MCM3: variants seen among roughly 807,000 people sequenced by gnomAD.
MCM3 encodes the protein DNA replication licensing factor MCM3.
A neutral mutation model predicts 91.3 loss-of-function variants in MCM3; 59 were observed. The ratio of observed to expected loss-of-function variants is 0.65; its 90% confidence interval spans 0.52 to 0.80. MCM3 has a LOEUF of 0.80. Ranked by LOEUF, MCM3 falls within the 30% of genes least tolerant of loss-of-function variation. The probability of loss-of-function intolerance (pLI) is 0.00; values close to 1 mark genes in which losing one functional copy is unlikely to be tolerated. For synonymous variants in MCM3, 383 were observed against 379.6 expected (o/e 1.01, Z -0.10); for missense variants, 919 against 1,035.4 (o/e 0.89, Z 1.54).
chr6:52,279,476 C>T lies in MCM3; in HGVS notation c.655G>A (p.Val219Ile), dbSNP rs201702015. ...TCCACCAAGTCATCATCCAGAATGA[C>T]GTCCACAGAGCGGGGGAGCTGGCCG... ...PAGQLPRSVD[V>I]ILDDDLVDKA... Residue 219 changes from valine (V) to isoleucine (I), a missense_variant, in exon 5 of 17, where the codon GTC becomes ATC. This residue lies in a region of MCM3 where 401 missense variants were observed against 402.7 expected (regional missense o/e 1.00). Transcript: ENST00000596288. 719 of 1,614,184 alleles carry T rather than the reference C, an allele frequency of 4.5e-4. 1 individual carries two copies. Among genetic ancestry groups the T allele is most frequent in the Non-Finnish European group, 5.8e-4 (680 of 1,180,036 alleles).
chr6:52,274,776 ATACT>A (rs1765420281), intron 9 of MCM3, among the ~76,000 whole-genome samples: 1 of 152,018 alleles, frequency 6.6e-6, no homozygotes, highest in Non-Finnish European at 1.5e-5. Flanking sequence ...TACTGGACTG[ATACT>A]TACCCATCCA....
At chr6:52,281,792 C>A (rs144657686) in intron 4 of MCM3, among the ~76,000 whole-genome samples, 70 of 152,268 alleles carry the variant, frequency 4.6e-4, no homozygotes, top group Middle Eastern at 3.4e-3. Context: ...CATGACTGCA[C>A]CTGCAAATAC....
chr6:52,269,367 G>C, intron 12 of MCM3, 141 bp from the exon 13 acceptor site: 1 of 646,210 alleles, frequency 1.5e-6, no homozygotes. Flanking sequence ...GTTCTCTACA[G>C]ATACCATATA....
rs759533055 is a variant in MCM3, at chr6:52,282,027, C to A, written c.531+18G>T. ...GATTCCAACCTCCAAGACAGCTCAA[C>A]TGATTTATCCCCCTTACCTTGGTAG... On this transcript the variant is annotated intron_variant, in intron 4 of 16. Transcript: ENST00000596288. 11 of 1,612,682 alleles carry A rather than the reference C, an allele frequency of 6.8e-6. No individual in the cohort carries two copies. In the East Asian group the frequency reaches 2.0e-4, roughly 29 times the overall value.
intron 5 of MCM3, 47 bp from the exon 6 acceptor site, chr6:52,278,897 A>C (rs752474698): frequency 7.3e-7 from 1 of 1,366,190 alleles, no homozygotes; most frequent in African/African-American, 1.4e-5. Context: ...TCAATTCCTA[A>C]CATCAGTAGC....
chr6:52,273,652 A>AAC, intron 10 of MCM3, 90 bp downstream of exon 10: 1 of 1,372,068 alleles, frequency 7.3e-7, no homozygotes, highest in Non-Finnish European at 1.0e-6. Flanking sequence ...CGGACACTGA[A>AAC]ACACCTACCA....
At chr6:52,265,574 ATT>A (rs1193306793) in intron 16 of MCM3, among the ~76,000 whole-genome samples, 1 of 152,140 alleles carries the variant, frequency 6.6e-6, no homozygotes, top group Non-Finnish European at 1.5e-5. Context: ...TGTGTTTCAA[ATT>A]TTTTTCAGTA....
intron 9 of MCM3, 55 bp from the exon 10 acceptor site, chr6:52,273,971 A>G: frequency 7.0e-7 from 1 of 1,423,288 alleles, no homozygotes; most frequent in East Asian, 2.4e-5. Context: ...AAGAAAGAAC[A>G]ACAAGGCTGC....
chr6:52,278,699 A>T (rs1479399100), intron 6 of MCM3, 43 bp downstream of exon 6: 1 of 1,387,136 alleles, frequency 7.2e-7, no homozygotes, highest in Admixed American at 1.7e-5. Context: ...CACAACTCTT[A>T]GAAATCCATT....
rs1765567818 is a variant in MCM3, at chr6:52,276,414, C to A, written c.1228G>T (p.Glu410Ter). 6.2e-7 allele frequency: 1 copy of A among 1,614,098 alleles called. No homozygotes were observed. Among genetic ancestry groups the A allele is most frequent in the Non-Finnish European group, 8.5e-7 (1 of 1,180,060 alleles). ...LADRGVVCID[E>*]FDKMSDMDRT... The stretch of plus-strand genomic sequence containing the variant: ...TCCATGTCAGACATTTTGTCAAATT[C>A]ATCAATGCAAACCACGCCTCGGTCA... The change falls in exon 9 of 17, where the codon GAA becomes TAA. Residue 410 changes from glutamate (E) to a stop codon, truncating the protein, a stop_gained. Transcript: ENST00000596288. LOFTEE classifies it high-confidence loss of function.
intron 12 of MCM3, among the ~76,000 whole-genome samples, chr6:52,270,161 T>C (rs1764987693): frequency 6.6e-6 from 1 of 151,712 alleles, no homozygotes; most frequent in Non-Finnish European, 1.5e-5. Flanking sequence ...CCATCTCTAT[T>C]AAAAATACAA....
At position 52,266,695 on chromosome 6, in the gene MCM3, T is replaced by C; in HGVS notation, c.2074A>G (p.Arg692Gly). The change falls in exon 15 of 17, where the codon AGG (arginine) becomes GGG (glycine). Residue 692 changes from arginine (R) to glycine (G), a missense_variant and splice_region_variant. This residue lies in a region of MCM3 where 285 missense variants were observed against 311.4 expected (regional missense o/e 0.92). Coordinates refer to ENST00000596288, the MANE Select transcript of MCM3 (RefSeq NM_002388.6). ...TTGGCATCTGGCTGGCGAGTCTTCCTTCTAAAATACCCACAGCAGTTAAGA... is the reference window on the plus strand; with the variant it reads ...TTGGCATCTGGCTGGCGAGTCTTCCCTCTAAAATACCCACAGCAGTTAAGA... ...QEDQEQKRKR[R>G]KTRQPDAKDG... 1 of 1,613,362 alleles carries C rather than the reference T, an allele frequency of 6.2e-7. No homozygotes were observed. Among genetic ancestry groups the C allele is most frequent in the Non-Finnish European group, 8.5e-7 (1 of 1,179,278 alleles).
chr6:52,278,756 T>G lies in MCM3; in HGVS notation c.865A>C (p.Lys289Gln). 6.2e-7 allele frequency: 1 copy of G among 1,613,232 alleles called. No individual in the cohort carries two copies. Among genetic ancestry groups the G allele is most frequent in the Non-Finnish European group, 8.5e-7 (1 of 1,179,370 alleles). Residue 289 changes from lysine (K) to glutamine (Q), a missense_variant, in exon 6 of 17, where the codon AAA (lysine) becomes CAA (glutamine). Around this residue, in one of 3 missense-constraint regions of MCM3, gnomAD observed 401 missense variants for 402.7 expected, o/e 1.00. Coordinates refer to ENST00000596288, the MANE Select transcript of MCM3 (RefSeq NM_002388.6). The stretch of plus-strand genomic sequence containing the variant: ...GATGCCCAGACCTTGGATCGGGTTT[T>G]ACTGAACTTCTTGATCTTGGCTATA... ...EDIAKIKKFS[K>Q]TRSKDIFDQL...
intron 9 of MCM3, among the ~76,000 whole-genome samples, chr6:52,275,574 T>C (rs1765487610): frequency 6.6e-6 from 1 of 152,206 alleles, no homozygotes; most frequent in Non-Finnish European, 1.5e-5. Flanking sequence ...TTGCTAGGTA[T>C]TTATACTACA....
At chr6:52,265,264 T>C (rs879021698) in intron 16 of MCM3, 2 of 435,206 alleles carry the variant, frequency 4.6e-6, no homozygotes, top group Admixed American at 2.8e-5. Flanking sequence ...TTAAAAAGAA[T>C]GAGATCAAAC....
Position 52,264,767 on chromosome 6 carries a change from C to G in MCM3, c.2248G>C (p.Ala750Pro). The change falls in exon 17 of 17, where the codon GCC (alanine) becomes CCC (proline). Residue 750 changes from alanine to proline, a missense_variant. By Grantham distance (27) the Ala-to-Pro change is conservative. Around this residue, in one of 3 missense-constraint regions of MCM3, gnomAD observed 285 missense variants for 311.4 expected, o/e 0.92. Transcript: ENST00000596288. ...GCTTCCCGGAACACATCCAAGAGGG[C>G]CACCTTGAATGCCTTCAACCTGCCC... ...SESRLKAFKV[A>P]LLDVFREAHA... The G allele has an allele frequency of 1.2e-6, 2 of 1,613,962 alleles. No homozygotes were observed. Among genetic ancestry groups the G allele is most frequent in the Non-Finnish European group, 1.7e-6 (2 of 1,180,026 alleles).
At chr6:52,272,017 A>G (rs2128278298) in intron 12 of MCM3, among the ~76,000 whole-genome samples, 1 of 152,320 alleles carries the variant, frequency 6.6e-6, no homozygotes. Context: ...TGCTTGTAAG[A>G]GGAAAGACTA....
chr6:52,274,464 G>C (rs1159801457), intron 9 of MCM3, among the ~76,000 whole-genome samples: 2 of 152,210 alleles, frequency 1.3e-5, no homozygotes, highest in Admixed American at 6.5e-5. Flanking sequence ...TGGACTGCTT[G>C]AGCCCAGGAG....
At chr6:52,273,993 G>A (rs1341392441) in intron 9 of MCM3, 77 bp from the exon 10 acceptor site, 8 of 1,200,652 alleles carry the variant, frequency 6.7e-6, no homozygotes, top group Middle Eastern at 2.1e-4. Flanking sequence ...GCAGTTCTGG[G>A]AGTGGGAATG....
Sources: allele counts gnomAD v4.1 joint callset (sites outside exome capture counted in the v4.1 genomes callset), GRCh38; gene constraint gnomAD v4.1.1; regional missense constraint gnomAD v4.1.1; transcripts MANE v1.5; gene names NCBI Gene and HGNC (gene_info 2026-07-23, HGNC 2026-07-21).